GRIK4: variants seen among roughly 807,000 people sequenced by gnomAD.
The protein encoded by GRIK4 is glutamate receptor ionotropic, kainate 4.
A neutral mutation model predicts 104.9 loss-of-function variants in GRIK4; 40 were observed. The ratio of observed to expected loss-of-function variants is 0.38; its 90% CI spans 0.30 to 0.50. The LOEUF (loss-of-function observed/expected upper bound fraction) is 0.50, where lower values mean the gene tolerates loss of function less well. Among genes scored for constraint, GRIK4 ranks in the 20% least tolerant of loss-of-function variants. The pLI is 0.93. For missense variants in GRIK4, 1,047 were observed against 1,308.1 expected, an observed-to-expected ratio of 0.80 and a Z score of 3.08; for synonymous variants, 485 against 524.9, an observed-to-expected ratio of 0.92 and a Z score of 1.04.
chr11:120,595,206 C>T (rs957964647), intron 1 of GRIK4, among the ~76,000 whole-genome samples: 6 of 152,220 alleles, frequency 3.9e-5, no homozygotes, highest in Admixed American at 3.9e-4. Flanking sequence ...TCGTGCTGTG[C>T]CCTCTCCTGC....
At chr11:120,685,185 C>A (rs978605779) in intron 3 of GRIK4, among the ~76,000 whole-genome samples, 2 of 152,196 alleles carry the variant, frequency 1.3e-5, no homozygotes, top group Non-Finnish European at 2.9e-5. Flanking sequence ...TGACACCTCC[C>A]TCTCTGGAGG....
intron 1 of GRIK4, among the ~76,000 whole-genome samples, chr11:120,636,283 T>C (rs1489561562): frequency 2.0e-5 from 3 of 152,224 alleles, no homozygotes; most frequent in Non-Finnish European, 4.4e-5. Flanking sequence ...GGGAACCGTC[T>C]TCTGACCCCT....
chr11:120,641,982 C>A (rs576684179), intron 1 of GRIK4, among the ~76,000 whole-genome samples: 5 of 152,312 alleles, frequency 3.3e-5, no homozygotes, highest in African/African-American at 1.2e-4. Flanking sequence ...CCCCGCTTCC[C>A]AAGCCTGGTT....
chr11:120,722,385 G>A (rs1950947930), intron 3 of GRIK4, among the ~76,000 whole-genome samples: 1 of 152,054 alleles, frequency 6.6e-6, no homozygotes, highest in African/African-American at 2.4e-5. Context: ...TTGGGAGGCC[G>A]AGGCAGGTGG....
chr11:120,819,882 A>G lies in GRIK4; in HGVS notation c.473A>G (p.Asn158Ser), dbSNP rs889657420. ...VAVAGILNFF[N>S]CTTACLICAK... ...GTAGCTGGGATCCTGAACTTCTTCA[A>G]CTGCACCACCGCCTGCCTCATCTGT... The change falls in exon 6 of 21, where the codon AAC (asparagine) becomes AGC (serine). Residue 158 changes from asparagine to serine, a missense_variant. Physicochemically the swap from Asn to Ser is conservative, Grantham distance 46 (BLOSUM62 1). Coordinates refer to ENST00000527524, the MANE Select transcript of GRIK4 (RefSeq NM_014619.5). This position sits in a 1 kb window ranked among gnomAD's most constrained non-coding sequence, Gnocchi z 4.3. 5 of 1,613,910 alleles carry G rather than the reference A, an allele frequency of 3.1e-6. No homozygotes were observed. Among genetic ancestry groups the G allele is most frequent in the Admixed American group, 3.3e-5 (2 of 59,996 alleles).
intron 1 of GRIK4, among the ~76,000 whole-genome samples, chr11:120,525,139 G>A (rs1947842839): frequency 6.6e-6 from 1 of 152,090 alleles, no homozygotes; most frequent in African/African-American, 2.4e-5. Flanking sequence ...GACTCCCTGG[G>A]AAGGGGCGCT....
At chr11:120,800,092 G>A (rs1336098722) in intron 3 of GRIK4, among the ~76,000 whole-genome samples, 1 of 151,884 alleles carries the variant, frequency 6.6e-6, no homozygotes, top group Non-Finnish European at 1.5e-5. Context: ...GACCTCGGGT[G>A]ATTCATCTGC....
At position 120,953,033 on chromosome 11, in the gene GRIK4, A is replaced by G. The variant is rs377550854; in HGVS notation, c.1700+69A>G. The G allele has an allele frequency of 1.0e-3, 654 of 638,520 alleles. 2 individuals are homozygous for G. In the African/African-American group the frequency reaches 0.011, roughly 11 times the overall value. 39.6% of individuals were successfully genotyped at this position (638,520 alleles called of 1,614,324 possible). A position where few individuals can be genotyped will look rare whatever the true frequency, so the allele number is the denominator to read the frequency against. On this transcript the variant is annotated intron_variant, in intron 15 of 20. Coordinates refer to ENST00000527524, the MANE Select transcript of GRIK4 (RefSeq NM_014619.5). This position sits in a 1 kb window ranked among gnomAD's most constrained non-coding sequence, Gnocchi z 4.9. ...GTCCACCTCTGGGAACTGCATGGGGAGGGGGTGGGGAGGAGGAGAGGGGGA... is the reference window on the plus strand; with the variant it reads ...GTCCACCTCTGGGAACTGCATGGGGGGGGGGTGGGGAGGAGGAGAGGGGGA...
At chr11:120,868,566 C>G (rs1397398197) in intron 9 of GRIK4, 2 of 150,940 alleles carry the variant, frequency 1.3e-5, no homozygotes, top group African/African-American at 4.9e-5. Context: ...CCTGATGAGC[C>G]CAGAAGTGGA....
chr11:120,514,098 C>T (rs908270624), intron 1 of GRIK4, among the ~76,000 whole-genome samples: 2 of 152,048 alleles, frequency 1.3e-5, no homozygotes, highest in African/African-American at 2.4e-5. Flanking sequence ...ACAGGGGGAC[C>T]GGCCCTGGGT....
intron 1 of GRIK4, among the ~76,000 whole-genome samples, chr11:120,573,591 G>C (rs1948432717): frequency 6.6e-6 from 1 of 152,228 alleles, no homozygotes; most frequent in Admixed American, 6.5e-5. Context: ...TGGAGAGACA[G>C]AGTTGGAGCA....
chr11:120,635,377 C>A (rs1179505573), intron 1 of GRIK4, among the ~76,000 whole-genome samples: 1 of 152,216 alleles, frequency 6.6e-6, no homozygotes, highest in Admixed American at 6.5e-5. Context: ...TGCACTGCAC[C>A]CTGAGTCCTG....
chr11:120,985,177 A>G (rs1944720119), intron 20 of GRIK4, among the ~76,000 whole-genome samples: 2 of 152,224 alleles, frequency 1.3e-5, no homozygotes, highest in South Asian at 4.1e-4. Flanking sequence ...AAGCTTGGAG[A>G]GTTCCAAGTT....
At chr11:120,747,809 C>A (rs985360413) in intron 3 of GRIK4, among the ~76,000 whole-genome samples, 3 of 152,198 alleles carry the variant, frequency 2.0e-5, no homozygotes, top group African/African-American at 7.2e-5. Flanking sequence ...CAGCTTAGGG[C>A]CTGGCACAAA....
intron 1 of GRIK4, among the ~76,000 whole-genome samples, chr11:120,532,572 T>G (rs1947934275): frequency 1.3e-5 from 2 of 152,206 alleles, no homozygotes; most frequent in Non-Finnish European, 2.9e-5. Context: ...TTAAATAGTT[T>G]GCTCGCTTTG....
At chr11:120,921,866 C>T (rs1038400183) in intron 13 of GRIK4, among the ~76,000 whole-genome samples, 7 of 152,176 alleles carry the variant, frequency 4.6e-5, no homozygotes, top group South Asian at 2.1e-4. Context: ...AACTGGGTAT[C>T]GGTGCAGCCC....
At chr11:120,612,404 C>A (rs1237039527) in intron 1 of GRIK4, among the ~76,000 whole-genome samples, 3 of 152,054 alleles carry the variant, frequency 2.0e-5, no homozygotes, top group South Asian at 4.2e-4. Flanking sequence ...TTACTAAATA[C>A]TTCTGTGTCC....
intron 1 of GRIK4, among the ~76,000 whole-genome samples, chr11:120,536,475 T>C (rs1947976023): frequency 6.6e-6 from 1 of 152,204 alleles, no homozygotes; most frequent in South Asian, 2.1e-4. Context: ...GCGGAGCTGG[T>C]TGAACAATTG....
At chr11:120,867,985 A>T (rs1954471894) in intron 9 of GRIK4, 1 of 152,228 alleles carries the variant, frequency 6.6e-6, no homozygotes, top group Admixed American at 6.5e-5. Flanking sequence ...TGTAAGAACT[A>T]TTCCATGGGA....
Sources: gnomAD v4.1 joint callset for allele counts (sites outside exome capture counted in the v4.1 genomes callset) on GRCh38, gnomAD v4.1.1 for gene constraint, Gnocchi (gnomAD v3.1) non-coding constraint, MANE v1.5 for transcripts, NCBI Gene and HGNC (gene_info 2026-07-23, HGNC 2026-07-21) for gene names.